Variants in CFAP54 observed in about 807,000 individuals in gnomAD.
CFAP54 encodes cilia- and flagella-associated protein 54.
A neutral mutation model predicts 370.4 loss-of-function variants in CFAP54; 290 were observed. The observed-to-expected ratio is 0.78, with a 90% CI of 0.71 to 0.86. The LOEUF (loss-of-function observed/expected upper bound fraction) is 0.86. CFAP54 is among the 40% of genes least tolerant of loss of function. CFAP54 has a pLI of 0.00. For missense variants in CFAP54, 3,399 were observed against 3,528.7 expected (o/e 0.96, Z 0.93); for synonymous variants, 1,206 against 1,236.5 (o/e 0.98, Z 0.52).
At chr12:96,700,974 G>A (rs1345418) in intron 46 of CFAP54, among the ~76,000 whole-genome samples, 132,128 of 152,168 alleles carry the variant, frequency 0.87, 57,700 homozygotes, top group African/African-American at 0.95. Flanking sequence ...CATTATATTT[G>A]CATATAATAT....
chr12:96,743,877 G>A lies in CFAP54; in HGVS notation c.7524G>A (p.Leu2508=), dbSNP rs1390408107. 1 of 1,613,584 alleles carries A rather than the reference G, an allele frequency of 6.2e-7. No individual in the cohort carries two copies. Among genetic ancestry groups the A allele is most frequent in the South Asian group, 1.1e-5 (1 of 90,976 alleles). Residue 2508 remains leucine (L), a synonymous_variant, in exon 54 of 68, where the codon TTG becomes TTA. Coordinates refer to ENST00000524981, the MANE Select transcript of CFAP54 (RefSeq NM_001306084.2). ...SPSSKTGKLN[L]LTRAHSILTE... is the part of the protein sequence containing the mutation. The stretch of plus-strand genomic sequence containing the variant: ...CTTCAAAAACAGGAAAATTAAATTT[G>A]TTAACTCGGGCTCATAGCATTCTAA...
intron 66 of CFAP54, among the ~76,000 whole-genome samples, chr12:96,847,735 C>G (rs547305988): frequency 6.6e-6 from 1 of 152,320 alleles, no homozygotes; most frequent in South Asian, 2.1e-4. Context: ...AGAAGGGAGA[C>G]AGAACCCCTC....
At chr12:96,518,446 G>T (rs958794176) in intron 5 of CFAP54, among the ~76,000 whole-genome samples, 4 of 152,212 alleles carry the variant, frequency 2.6e-5, no homozygotes, top group African/African-American at 9.6e-5. Flanking sequence ...CAGCAGTTTG[G>T]GAGGCCGAGG....
At chr12:96,740,568 G>A (rs901656390) in intron 51 of CFAP54, among the ~76,000 whole-genome samples, 1 of 152,150 alleles carries the variant, frequency 6.6e-6, no homozygotes, top group Non-Finnish European at 1.5e-5. Flanking sequence ...AACAATACAG[G>A]ATTGTTTAGG....
At chr12:96,694,579 AATTT>A (rs1856916860) in intron 45 of CFAP54, among the ~76,000 whole-genome samples, 1 of 152,160 alleles carries the variant, frequency 6.6e-6, no homozygotes, top group Non-Finnish European at 1.5e-5. Flanking sequence ...AAGACAGAGA[AATTT>A]AAGTTGAGGC....
At chr12:96,779,951 A>C (rs1178365991) in intron 60 of CFAP54, among the ~76,000 whole-genome samples, 1 of 152,058 alleles carries the variant, frequency 6.6e-6, no homozygotes, top group Non-Finnish European at 1.5e-5. Flanking sequence ...GAGATTGAAC[A>C]CTATTATATA....
At chr12:96,840,172 C>T (rs1959202804) in intron 66 of CFAP54, among the ~76,000 whole-genome samples, 1 of 152,204 alleles carries the variant, frequency 6.6e-6, no homozygotes, top group Admixed American at 6.5e-5. Context: ...GTATTTTCCT[C>T]CTCTGAGCAG....
At chr12:96,541,100 C>A in intron 14 of CFAP54, 113 bp downstream of exon 14, 1 of 546,746 alleles carries the variant, frequency 1.8e-6, no homozygotes, top group Non-Finnish European at 2.8e-6. Context: ...TATTATGCTT[C>A]ATTGAGGATT....
At chr12:96,636,827 G>T (rs189123028) in intron 32 of CFAP54, among the ~76,000 whole-genome samples, 20 of 152,040 alleles carry the variant, frequency 1.3e-4, no homozygotes, top group Admixed American at 1.2e-3. Flanking sequence ...GGCGGCACAC[G>T]CCTGTAATCC....
rs776713848 is a variant in CFAP54 at position 96,744,043 on chromosome 12, T to A, written c.7581T>A (p.Ile2527=). 6.2e-7 allele frequency: 1 copy of A among 1,610,766 alleles called. No homozygotes were observed. The highest frequency in any genetic ancestry group is 2.2e-5 in the East Asian group (1 of 44,830). Residue 2527 remains isoleucine, a synonymous_variant, in exon 55 of 68, where the codon ATT becomes ATA. Coordinates refer to ENST00000524981, the MANE Select transcript of CFAP54 (RefSeq NM_001306084.2). ...TEQMLAFGET[I]EFRSSNTKYA... is the part of the protein sequence containing the mutation. ...AGATGCTAGCTTTTGGAGAAACAAT[T>A]GAATTTCGTTCATCAAACACTAAAT...
At chr12:96,604,638 G>A (rs929516563) in intron 26 of CFAP54, among the ~76,000 whole-genome samples, 3 of 152,216 alleles carry the variant, frequency 2.0e-5, no homozygotes, top group Non-Finnish European at 4.4e-5. Flanking sequence ...CTGCCACTTT[G>A]TTTACACTGT....
Position 96,522,151 on chromosome 12 carries a change from A to G in CFAP54, c.1120A>G (p.Arg374Gly). 6.5e-7 allele frequency: 1 copy of G among 1,535,482 alleles called. No homozygotes were observed. The highest frequency in any genetic ancestry group is 8.7e-7 in the Non-Finnish European group (1 of 1,146,688). The change falls in exon 8 of 68, where the codon AGA (arginine) becomes GGA (glycine). Residue 374 changes from arginine (R) to glycine (G), a missense_variant. Transcript: ENST00000524981. ...TAGAAGAAAAAACAAAGCTGTCTTT[A>G]GACCTAAGATAAGAATTAACCTAAG... The part of the protein sequence containing the change: ...ESRRKNKAVF[R>G]PKIRINLREV...
Position 96,594,297 on chromosome 12 carries a change from A to T in CFAP54, c.3367A>T (p.Arg1123Ter). Residue 1123 changes from arginine (R) to a stop codon, truncating the protein, a stop_gained, in exon 25 of 68, where the codon AGA (arginine) becomes TGA (stop). Transcript: ENST00000524981. LOFTEE classifies it high-confidence loss of function. ...AATGCCTGTTTCTTTACAGATTGCC[A>T]GACTGATTGAATGTGAGAGAGTATT... ...NEIFPSQQIA[R>*]LIECERVLVA... is the part of the protein sequence containing the mutation. 6.5e-7 allele frequency: 1 copy of T among 1,527,294 alleles called. No individual in the cohort carries two copies. Among genetic ancestry groups the T allele is most frequent in the Non-Finnish European group, 8.8e-7 (1 of 1,140,976 alleles). The allele number at this position is 1,527,294 out of a possible 1,614,324, so 94.6% of individuals were successfully genotyped here.
Position 96,536,284 on chromosome 12 carries a change from G to A in CFAP54, c.1791+684G>A, listed in dbSNP as rs143946549. 2.6e-3 allele frequency among the ~76,000 whole-genome samples: 398 copies of A among 152,142 alleles called. 1 individual carries two copies. The highest frequency in any genetic ancestry group is 9.1e-3 in the African/African-American group (379 of 41,508). ...AGTAGTAGCTTCCTAATCTGTTTTTGTTACTTTTGTATATAACACTGGGAT... is the reference window on the plus strand; with the variant it reads ...AGTAGTAGCTTCCTAATCTGTTTTTATTACTTTTGTATATAACACTGGGAT... On this transcript the variant is annotated intron_variant, in intron 12 of 67. Transcript: ENST00000524981.
At chr12:96,664,773 ATATC>A (rs1454043650) in intron 39 of CFAP54, among the ~76,000 whole-genome samples, 4 of 20,304 alleles carry the variant, frequency 2.0e-4, no homozygotes, top group Non-Finnish European at 3.5e-4. Flanking sequence ...ATCTATATCT[ATATC>A]TATATATATA....
chr12:96,659,251 A>T (rs1346589622), intron 38 of CFAP54, among the ~76,000 whole-genome samples: 1 of 152,170 alleles, frequency 6.6e-6, no homozygotes, highest in Non-Finnish European at 1.5e-5. Context: ...CTCCTGCCTC[A>T]GCCTTCCGAG....
Position 96,489,660 on chromosome 12 carries a change from C to G in CFAP54, c.51C>G (p.Thr17=). ...PSSSPSDDST[T]SGSLPELPPT... ...GCTCTCCGTCAGACGACTCTACCAC[C>G]TCGGGGTCTCTGCCAGAACTGCCGC... is the stretch of plus-strand genomic sequence containing the variant. The change falls in exon 1 of 68, where the codon ACC becomes ACG. Residue 17 remains threonine (T), a synonymous_variant. Transcript: ENST00000524981. The G allele has an allele frequency of 6.5e-7, 1 of 1,535,308 alleles. No individual in the cohort carries two copies. The highest frequency in any genetic ancestry group is 8.7e-7 in the Non-Finnish European group (1 of 1,146,242).
intron 26 of CFAP54, among the ~76,000 whole-genome samples, chr12:96,601,215 C>A (rs1213789765): frequency 6.6e-6 from 1 of 152,152 alleles, no homozygotes. Context: ...TTGAGATAAT[C>A]ATGTGGTTTT....
intron 49 of CFAP54, among the ~76,000 whole-genome samples, chr12:96,719,115 A>G (rs1329318850): frequency 2.0e-5 from 3 of 151,998 alleles, no homozygotes; most frequent in Non-Finnish European, 4.4e-5. Flanking sequence ...TCATTTCCCA[A>G]TAATAGTGAT....
Sources: allele counts gnomAD v4.1 joint callset (sites outside exome capture counted in the v4.1 genomes callset), GRCh38; gene constraint gnomAD v4.1.1; transcripts MANE v1.5; gene names NCBI Gene and HGNC (gene_info 2026-07-23, HGNC 2026-07-21).